STRIP1: variants seen among roughly 807,000 people sequenced by gnomAD.
STRIP1 encodes the protein striatin interacting protein 1, also known as striatin-interacting protein 1.
Under a neutral mutation model 106.2 loss-of-function variants are expected in STRIP1, and 63 were observed. The ratio of observed to expected loss-of-function variants is 0.59; its 90% CI spans 0.48 to 0.73. The LOEUF (loss-of-function observed/expected upper bound fraction) is 0.73. Ranked by LOEUF, STRIP1 falls within the 30% of genes least tolerant of loss-of-function variation. The probability of loss-of-function intolerance (pLI) is 0.00; values close to 1 mark genes in which losing one functional copy is unlikely to be tolerated. For missense variants in STRIP1, 857 were observed against 1,074.8 expected, an observed-to-expected ratio of 0.80 and a Z score of 2.83; for synonymous variants, 390 against 413.0, an observed-to-expected ratio of 0.94 and a Z score of 0.67.
rs1652637013 is a variant in STRIP1 at position 110,039,204 on chromosome 1, A to C, written c.358A>C (p.Asn120His). Reference protein sequence around the residue: ...TDKKWTELDTNQHRTHAMRLL... With the variant: ...TDKKWTELDTHQHRTHAMRLL... ...CAAGAAGTGGACTGAGCTGGATACC[A>C]ACCAGCACCGGACCCATGCCATGAG... is the stretch of plus-strand genomic sequence containing the variant. Residue 120 changes from asparagine to histidine, a missense_variant, in exon 4 of 21, where the codon AAC (asparagine) becomes CAC (histidine). Around this residue, in one of 2 missense-constraint regions of STRIP1, gnomAD observed 750 missense variants for 989.8 expected, o/e 0.76. Transcript: ENST00000369795. 1 of 1,614,210 alleles carries C rather than the reference A, an allele frequency of 6.2e-7. No individual in the cohort carries two copies. The highest frequency in any genetic ancestry group is 8.5e-7 in the Non-Finnish European group (1 of 1,180,032).
In STRIP1 at chr1:110,041,879, G is replaced by A; in HGVS notation, c.885+18G>A. On this transcript the variant is annotated intron_variant, in intron 8 of 20. Transcript: ENST00000369795. ...CAGTATTGGTGAGCACCTCCTTGGA[G>A]GAGGAGAACGGTGCTATGGGATGGG... The A allele has an allele frequency of 6.2e-7, 1 of 1,613,278 alleles. No homozygotes were observed. Among genetic ancestry groups the A allele is most frequent in the Non-Finnish European group, 8.5e-7 (1 of 1,179,418 alleles).
rs911459898 is a variant in STRIP1 at position 110,050,831 on chromosome 1, G to A, written c.1957-125G>A. ...GGATGGAGTCCTGGGGCTGCTCTGA[G>A]AGCAGGGGATTCCTGGTAGAGGCCT... On this transcript the variant is annotated intron_variant, in intron 18 of 20. Transcript: ENST00000369795. 5 of 665,522 alleles carry A rather than the reference G, an allele frequency of 7.5e-6. No individual in the cohort carries two copies. The African/African-American group carries it at 8.9e-5, about 12-fold the overall frequency. 41.2% of individuals were successfully genotyped at this position (665,522 alleles called of 1,614,324 possible).
rs1414179208 is a variant in STRIP1, at chr1:110,046,703, G to A, written c.1440G>A (p.Glu480=). 1.2e-6 allele frequency: 2 copies of A among 1,613,428 alleles called. No individual in the cohort carries two copies. Among genetic ancestry groups the A allele is most frequent in the Non-Finnish European group, 8.5e-7 (1 of 1,179,524 alleles). The part of the protein sequence containing the change: ...LKQHKYTSIA[E]VQAQMEEEYL... ...AGCACAAGTACACGTCGATTGCAGA[G>A]GTCCAGGCACAGATGGAGGAGGAAT... Residue 480 remains glutamate, a synonymous_variant, in exon 13 of 21, where the codon GAG becomes GAA. Transcript: ENST00000369795.
intron 13 of STRIP1, 65 bp from the exon 14 acceptor site, chr1:110,047,477 G>A (rs1471069680): frequency 5.2e-6 from 7 of 1,336,212 alleles, no homozygotes; most frequent in Non-Finnish European, 7.4e-6. Flanking sequence ...CAGCCAGCTA[G>A]GAAGCTGGCT....
At chr1:110,034,615 G>C (rs1405028193), upstream of STRIP1, 1 of 1,498,960 alleles carries the variant, frequency 6.7e-7, no homozygotes, top group African/African-American at 1.5e-5. Flanking sequence ...CGCGAGTTAA[G>C]CTGGGGGTGT....
chr1:110,034,630 C>A lies in STRIP1; in HGVS notation c.-8C>A. 6 of 1,517,422 alleles carry A rather than the reference C, an allele frequency of 4.0e-6. No individual in the cohort carries two copies. Among genetic ancestry groups the A allele is most frequent in the Non-Finnish European group, 5.3e-6 (6 of 1,133,874 alleles). 94.0% of individuals were successfully genotyped at this position (1,517,422 alleles called of 1,614,324 possible). A position where few individuals can be genotyped will look rare whatever the true frequency, so the allele number is the denominator to read the frequency against. ...CGCGAGTTAAGCTGGGGGTGTGGAG[C>A]AGCCAAGATGGAGCCGGCAGTCGGC... On this transcript the variant is annotated 5_prime_UTR_variant, in exon 1 of 21. Transcript: ENST00000369795.
intron 20 of STRIP1, 109 bp downstream of exon 20, chr1:110,051,996 C>T (rs937197668): frequency 4.2e-6 from 5 of 1,203,602 alleles, no homozygotes; most frequent in Non-Finnish European, 5.9e-6. Flanking sequence ...AGCTTCCCCC[C>T]AAGGAACAGG....
At chr1:110,034,583 G>C (rs1238051161), upstream of STRIP1, 6 of 1,458,958 alleles carry the variant, frequency 4.1e-6, no homozygotes, top group African/African-American at 3.0e-5. Context: ...AATCACGCGA[G>C]AGTTGCATCA....
rs747105130 is a variant in STRIP1 at position 110,043,754 on chromosome 1, C to T, written c.1184C>T (p.Thr395Met). 12 of 1,613,998 alleles carry T rather than the reference C, an allele frequency of 7.4e-6. No individual in the cohort carries two copies. Among genetic ancestry groups the T allele is most frequent in the South Asian group, 6.6e-5 (6 of 91,080 alleles). Residue 395 changes from threonine (T) to methionine (M), a missense_variant, in exon 10 of 21, where the codon ACG becomes ATG. Transcript: ENST00000369795. ...NDDDNSLEGETFPLERDEVMP... is the reference protein window; with the variant it reads ...NDDDNSLEGEMFPLERDEVMP... ...GATGACAACAGTCTGGAGGGGGAGA[C>T]GTTTCCCCTGGAACGGGATGAAGTG...
In STRIP1 at chr1:110,053,740, G is replaced by T. The variant is rs1359338958; in HGVS notation, c.2342G>T (p.Arg781Leu). 6.2e-7 allele frequency: 1 copy of T among 1,613,932 alleles called. No individual in the cohort carries two copies. The highest frequency in any genetic ancestry group is 8.5e-7 in the Non-Finnish European group (1 of 1,180,028). ...LRANIERFNA[R>L]RYDRAHSNPD... ...GCCAACATTGAACGCTTCAACGCCC[G>T]GCGCTATGACCGGGCCCACAGCAAC... The change falls in exon 21 of 21, where the codon CGG (arginine) becomes CTG (leucine). Residue 781 changes from arginine (R) to leucine (L), a missense_variant. By Grantham distance (102) the Arg-to-Leu change is moderately radical. Transcript: ENST00000369795.
rs764104349 is a variant in STRIP1 at position 110,039,460 on chromosome 1, C to T, written c.526C>T (p.Leu176Phe). 1.9e-6 allele frequency: 3 copies of T among 1,612,876 alleles called. No homozygotes were observed. The highest frequency in any genetic ancestry group is 1.1e-5 in the South Asian group (1 of 90,788). The part of the protein sequence containing the change: ...QSWMRYNIFL[L>F]LEVGTFNALV... The stretch of plus-strand genomic sequence containing the variant: ...CTGGATGCGCTACAACATCTTTCTC[C>T]TCCTGGAGGTGGGCACGTTCAATGC... The change falls in exon 5 of 21, where the codon CTC (leucine) becomes TTC (phenylalanine). Residue 176 changes from leucine (L) to phenylalanine (F), a missense_variant. Leu to Phe is a conservative substitution (Grantham distance 22). Coordinates refer to ENST00000369795, the MANE Select transcript of STRIP1 (RefSeq NM_033088.4).
chr1:110,051,536 G>C (rs1653303539), intron 19 of STRIP1, 147 bp from the exon 20 acceptor site: 1 of 756,844 alleles, frequency 1.3e-6, no homozygotes, highest in Admixed American at 2.4e-5. Flanking sequence ...AAAGTCCTAT[G>C]TATCAGGAAA....
intron 3 of STRIP1, 175 bp from the exon 4 acceptor site, chr1:110,038,997 C>G: frequency 1.2e-6 from 1 of 814,734 alleles, no homozygotes; most frequent in East Asian, 2.7e-5. Flanking sequence ...CCCAAAATAC[C>G]AGCGTTTCAG....
chr1:110,034,622 G>T (rs779214552), upstream of STRIP1: 26 of 1,514,506 alleles, frequency 1.7e-5, no homozygotes, highest in Non-Finnish European at 1.3e-5. Context: ...TAAGCTGGGG[G>T]TGTGGAGCAG....
At chr1:110,049,305 A>T in intron 16 of STRIP1, 67 bp downstream of exon 16, 1 of 1,609,594 alleles carries the variant, frequency 6.2e-7, no homozygotes, top group South Asian at 1.1e-5. Context: ...CCTCCAGCCC[A>T]CAAGAACGGG....
Position 110,039,223 on chromosome 1 carries a change from C to T in STRIP1, c.377C>T (p.Ala126Val). 6.2e-7 allele frequency: 1 copy of T among 1,614,212 alleles called. No individual in the cohort carries two copies. Among genetic ancestry groups the T allele is most frequent in the African/African-American group, 1.3e-5 (1 of 75,040 alleles). The change falls in exon 4 of 21, where the codon GCC becomes GTC. Residue 126 changes from alanine to valine, a missense_variant. Physicochemically the swap from Ala to Val is moderately conservative, Grantham distance 64. Coordinates refer to ENST00000369795, the MANE Select transcript of STRIP1 (RefSeq NM_033088.4). The stretch of plus-strand genomic sequence containing the variant: ...GATACCAACCAGCACCGGACCCATG[C>T]CATGAGGCTCCTGGATGGCTTGGAA... Reference protein sequence around the residue: ...ELDTNQHRTHAMRLLDGLEVT... With the variant: ...ELDTNQHRTHVMRLLDGLEVT...
Position 110,037,940 on chromosome 1 carries a change from A to G in STRIP1, c.230A>G (p.Lys77Arg). The G allele has an allele frequency of 6.2e-7, 1 of 1,612,556 alleles. No homozygotes were observed. The highest frequency in any genetic ancestry group is 1.1e-5 in the South Asian group (1 of 91,064). ...GAGTTTGAGTATGCTGACACAGACA[A>G]GTGGGCTGCAGAGCTCTCGGGTAAC... Reference protein sequence around the residue: ...DLEFEYADTDKWAAELSELYS... With the variant: ...DLEFEYADTDRWAAELSELYS... The change falls in exon 2 of 21, where the codon AAG becomes AGG. Residue 77 changes from lysine (K) to arginine (R), a missense_variant. Physicochemically the swap from Lys to Arg is conservative, Grantham distance 26. Coordinates refer to ENST00000369795, the MANE Select transcript of STRIP1 (RefSeq NM_033088.4).
rs777320355 is a variant in STRIP1, at chr1:110,046,763, G to T, written c.1488+12G>T. The stretch of plus-strand genomic sequence containing the variant: ...CCCCTCTCTCAGGGGTAAGTTGGAG[G>T]TCCTCAGTCCGGGCGCGGTGGCTCA... On this transcript the variant is annotated intron_variant, in intron 13 of 20. Coordinates refer to ENST00000369795, the MANE Select transcript of STRIP1 (RefSeq NM_033088.4). 6.2e-7 allele frequency: 1 copy of T among 1,608,356 alleles called. No individual in the cohort carries two copies. The highest frequency in any genetic ancestry group is 1.1e-5 in the South Asian group (1 of 90,992).
chr1:110,039,755 G>C, intron 5 of STRIP1: 2 of 1,198,774 alleles, frequency 1.7e-6, no homozygotes, highest in Non-Finnish European at 2.3e-6. Context: ...GACAGTGCAG[G>C]CCCTGCCCAG....
Sources: gnomAD v4.1 joint callset for allele counts on GRCh38, gnomAD v4.1.1 for gene constraint, gnomAD v4.1.1 regional missense constraint, MANE v1.5 for transcripts, NCBI Gene and HGNC (gene_info 2026-07-23, HGNC 2026-07-21) for gene names.